IQSEC1: variants seen among roughly 807,000 people sequenced by gnomAD.
IQSEC1 encodes the protein IQ motif and SEC7 domain-containing protein 1.
Under a neutral mutation model 91.0 loss-of-function variants are expected in IQSEC1, and 31 were observed. That is an observed-to-expected ratio of 0.34 (90% CI 0.26 to 0.46). The LOEUF is 0.46. IQSEC1 is among the 20% of genes least tolerant of loss of function. The pLI, the probability that IQSEC1 is intolerant of heterozygous loss-of-function variation, is 1.00. For synonymous variants in IQSEC1, 699 were observed against 662.6 expected, an observed-to-expected ratio of 1.05 and a Z score of -0.84; for missense variants, 1,388 against 1,575.6, an observed-to-expected ratio of 0.88 and a Z score of 2.02.
intron 2 of IQSEC1, among the ~76,000 whole-genome samples, chr3:13,156,654 A>G (rs576660269): frequency 6.6e-6 from 1 of 152,274 alleles, no homozygotes; most frequent in African/African-American, 2.4e-5. Context: ...ACAGCACTGC[A>G]TAAGACAAAG....
intron 1 of IQSEC1, among the ~76,000 whole-genome samples, chr3:13,253,350 G>C (rs1261443532): frequency 6.6e-6 from 1 of 152,154 alleles, no homozygotes; most frequent in Non-Finnish European, 1.5e-5. Flanking sequence ...AGAGTTCCCA[G>C]AGAAGGGGTG....
At chr3:13,215,694 A>G (rs1694530947) in intron 1 of IQSEC1, among the ~76,000 whole-genome samples, 1 of 152,194 alleles carries the variant, frequency 6.6e-6, no homozygotes, top group South Asian at 2.1e-4. Context: ...CGACATGGCC[A>G]CTGCACTCCA....
At chr3:13,031,027 A>C (rs929735286) in intron 1 of IQSEC1, among the ~76,000 whole-genome samples, 1 of 152,300 alleles carries the variant, frequency 6.6e-6, no homozygotes, top group African/African-American at 2.4e-5. Flanking sequence ...CACTCCTTTA[A>C]ATGGAAAACT....
At chr3:13,145,884 G>A (rs1322701167) in intron 2 of IQSEC1, among the ~76,000 whole-genome samples, 10 of 152,020 alleles carry the variant, frequency 6.6e-5, no homozygotes, top group African/African-American at 1.5e-4. Flanking sequence ...CTGTCCTGGC[G>A]TGGGGCAGGC....
At chr3:13,010,698 T>C (rs181726220) in intron 1 of IQSEC1, among the ~76,000 whole-genome samples, 264 of 152,324 alleles carry the variant, frequency 1.7e-3, no homozygotes, top group Middle Eastern at 3.4e-3. Flanking sequence ...GCCTCTTTTT[T>C]TTAATCAACC....
intron 1 of IQSEC1, among the ~76,000 whole-genome samples, chr3:13,038,329 T>G (rs184377828): frequency 7.1e-6 from 1 of 141,174 alleles, no homozygotes; most frequent in African/African-American, 2.6e-5. Flanking sequence ...ATAAATGATA[T>G]CCAGCCATTT....
Position 13,123,037 on chromosome 3 carries a change from T to A in IQSEC1, c.302+41067A>T, listed in dbSNP as rs548976214. On this transcript the variant is annotated intron_variant, in intron 2 of 15. Transcript: ENST00000648114. Reference sequence around the variant, plus strand: ...GGCAGAGCTGGAATTTATGGCTCTCTCTATTTTAATGAAGACTGTTCAAAG... The same window carrying A: ...GGCAGAGCTGGAATTTATGGCTCTCACTATTTTAATGAAGACTGTTCAAAG... Among the ~76,000 whole-genome samples, 599 of 152,322 alleles carry A rather than the reference T, an allele frequency of 3.9e-3. 10 individuals are homozygous for A. The highest frequency in any genetic ancestry group is 0.013 in the African/African-American group (520 of 41,568).
chr3:13,155,226 C>T (rs1707065643), intron 2 of IQSEC1, among the ~76,000 whole-genome samples: 1 of 152,020 alleles, frequency 6.6e-6, no homozygotes, highest in Non-Finnish European at 1.5e-5. Flanking sequence ...AGAAGATTGA[C>T]AAAATTGACG....
chr3:13,115,636 G>A (rs1052243863), intron 2 of IQSEC1, among the ~76,000 whole-genome samples: 1 of 152,210 alleles, frequency 6.6e-6, no homozygotes, highest in African/African-American at 2.4e-5. Context: ...CTGGCACCTG[G>A]GCTCAGGCTG....
chr3:12,969,885 T>C (rs1700812769), intron 1 of IQSEC1, among the ~76,000 whole-genome samples: 1 of 152,216 alleles, frequency 6.6e-6, no homozygotes, highest in East Asian at 1.9e-4. Flanking sequence ...TTTATCTTTC[T>C]GCAAAGTGTG....
At chr3:13,027,632 G>A (rs141984442) in intron 1 of IQSEC1, among the ~76,000 whole-genome samples, 2 of 152,272 alleles carry the variant, frequency 1.3e-5, no homozygotes, top group African/African-American at 4.8e-5. Context: ...AAAGAGGAGT[G>A]GAAGATGATG....
chr3:13,216,702 TCCAG>T (rs1694557348), intron 1 of IQSEC1, among the ~76,000 whole-genome samples: 1 of 152,142 alleles, frequency 6.6e-6, no homozygotes, highest in African/African-American at 2.4e-5. Context: ...AGGGCATCCC[TCCAG>T]GGCACAGAGT....
intron 1 of IQSEC1, among the ~76,000 whole-genome samples, chr3:12,991,011 A>G (rs1559703938): frequency 6.6e-6 from 1 of 152,194 alleles, no homozygotes; most frequent in Non-Finnish European, 1.5e-5. Context: ...CTGAGAATTT[A>G]GCAGCCTGCT....
chr3:13,107,907 G>A (rs1162299234), intron 2 of IQSEC1, among the ~76,000 whole-genome samples: 2 of 152,236 alleles, frequency 1.3e-5, no homozygotes, highest in Non-Finnish European at 2.9e-5. Context: ...CTGCACACCA[G>A]CCTGGCCAGC....
At chr3:12,905,652 G>A (rs953617219) in intron 12 of IQSEC1, among the ~76,000 whole-genome samples, 1 of 152,240 alleles carries the variant, frequency 6.6e-6, no homozygotes, top group Non-Finnish European at 1.5e-5. Flanking sequence ...AGGGCAAGAG[G>A]AAGCACCACC....
Position 12,935,472 on chromosome 3 carries a change from C to A in IQSEC1, c.1544G>T (p.Arg515Leu). The A allele has an allele frequency of 6.2e-7, 1 of 1,612,940 alleles. No individual in the cohort carries two copies. Residue 515 changes from arginine to leucine, a missense_variant, in exon 3 of 14, where the codon CGC (arginine) becomes CTC (leucine). Coordinates refer to ENST00000613206, the MANE Select transcript of IQSEC1 (RefSeq NM_001134382.3). This position sits in a 1 kb window ranked among gnomAD's most constrained non-coding sequence, Gnocchi z 8.0. ...SNDVIRKRHY[R>L]IGLNLFNKKP... ...CTTGTTGAAGAGGTTCAGGCCGATG[C>A]GGTAGTGCCTCTTGCGGATGACATC...
chr3:13,006,994 A>G (rs890895993), intron 1 of IQSEC1, among the ~76,000 whole-genome samples: 1 of 152,074 alleles, frequency 6.6e-6, no homozygotes, highest in Non-Finnish European at 1.5e-5. Context: ...TCCCCATTTT[A>G]TAGATGAGGA....
intron 1 of IQSEC1, among the ~76,000 whole-genome samples, chr3:13,174,621 T>C (rs946111533): frequency 3.9e-5 from 6 of 152,120 alleles, no homozygotes; most frequent in African/African-American, 1.4e-4. Flanking sequence ...AACCCTCTCC[T>C]GCCCTGCCTG....
intron 2 of IQSEC1, among the ~76,000 whole-genome samples, chr3:13,119,308 G>A (rs1021074807): frequency 1.3e-5 from 2 of 152,224 alleles, no homozygotes; most frequent in Admixed American, 6.5e-5. Flanking sequence ...TCAAGGATCT[G>A]AGGAGCCCAA....
Sources: gnomAD v4.1 joint callset for allele counts (sites outside exome capture counted in the v4.1 genomes callset) on GRCh38, gnomAD v4.1.1 for gene constraint, Gnocchi (gnomAD v3.1) non-coding constraint, MANE v1.5 for transcripts, NCBI Gene and HGNC (gene_info 2026-07-23, HGNC 2026-07-21) for gene names.